The following CABP5 variants were observed in gnomAD, a reference collection of about 807,000 sequenced individuals.
CABP5 encodes calcium binding protein 5, also known as calcium-binding protein 5.
In CABP5, 17 loss-of-function variants were observed where a neutral mutation model predicts 21.9. The observed-to-expected ratio is 0.78, with a 90% confidence interval of 0.53 to 1.17. The LOEUF (loss-of-function observed/expected upper bound fraction) is 1.17. Ranked by LOEUF, CABP5 falls within the 50% of genes most tolerant of loss-of-function variation. The pLI, the probability that CABP5 is intolerant of heterozygous loss-of-function variation, is 0.00. For synonymous variants in CABP5, 85 were observed against 79.4 expected (o/e 1.07, Z -0.37); for missense variants, 229 against 228.9 (o/e 1.00, Z 0.00).
chr19:48,040,530 A>C, intron 3 of CABP5, 75 bp downstream of exon 3: 1 of 1,528,232 alleles, frequency 6.5e-7, no homozygotes, highest in Non-Finnish European at 9.0e-7. Flanking sequence ...CTCTACTCTT[A>C]ACCTCTACAT....
In CABP5 at chr19:48,039,382, T is replaced by C. The variant is rs1192452131; in HGVS notation, c.239-65A>G. 5 of 1,269,426 alleles carry C rather than the reference T, an allele frequency of 3.9e-6. No individual in the cohort carries two copies. The Admixed American group carries it at 6.8e-5, about 17-fold the overall frequency. The allele number at this position is 1,269,426 out of a possible 1,614,324, so 78.6% of individuals were successfully genotyped here. ...CCTGGCCTTCCATTACCTCACTTTGTGCTTCGAGTCAGTTAGATCAGCTCC... is the reference window on the plus strand; with the variant it reads ...CCTGGCCTTCCATTACCTCACTTTGCGCTTCGAGTCAGTTAGATCAGCTCC... On this transcript the variant is annotated intron_variant, in intron 3 of 5. Transcript: ENST00000293255.
chr19:48,043,822 C>T (rs767732934), intron 1 of CABP5, 38 bp downstream of exon 1: 4 of 1,462,742 alleles, frequency 2.7e-6, no homozygotes, highest in African/African-American at 3.0e-5. Context: ...GCTCCCTTTG[C>T]CCCGCCCACC....
In CABP5 at chr19:48,034,263, C is replaced by A. The variant is rs772306847; in HGVS notation, c.448G>T (p.Val150Phe). The A allele has an allele frequency of 1.0e-5, 16 of 1,608,036 alleles. No individual in the cohort carries two copies. The highest frequency in any genetic ancestry group is 1.4e-5 in the Non-Finnish European group (16 of 1,177,656). ...CCATTAACATCAGCCTCCCGGACAA[C>A]CTCAGAGATCTCCCGGGGGGTGAGC... ...ERLTPREISE[V>F]VREADVNGDG... Residue 150 changes from valine to phenylalanine, a missense_variant, in exon 5 of 6, where the codon GTT (valine) becomes TTT (phenylalanine). Val to Phe is a conservative substitution (Grantham distance 50). Coordinates refer to ENST00000293255, the MANE Select transcript of CABP5 (RefSeq NM_019855.5).
intron 3 of CABP5, among the ~76,000 whole-genome samples, chr19:48,039,903 C>G (rs1021362871): frequency 6.6e-6 from 1 of 151,482 alleles, no homozygotes; most frequent in Non-Finnish European, 1.5e-5. Context: ...TTAGTAGAGA[C>G]GGGGTGTCAC....
chr19:48,044,020 CT>C lies in CABP5; in HGVS notation c.-99del. 2.0e-6 allele frequency: 2 copies of C among 1,011,876 alleles called. No homozygotes were observed. Among genetic ancestry groups the C allele is most frequent in the Non-Finnish European group, 1.4e-6 (1 of 703,764 alleles). The allele number at this position is 1,011,876 out of a possible 1,614,324, so 62.7% of individuals were successfully genotyped here. On this transcript the variant is annotated 5_prime_UTR_variant, in exon 1 of 6. Transcript: ENST00000293255. ...AGCCTCCTTATCTTCTCCAGCACTC[CT>C]TTGCCACCTCTTCCTGCCTCTCTTG...
At chr19:48,035,098 C>G (rs567163195) in intron 4 of CABP5, among the ~76,000 whole-genome samples, 328 of 152,278 alleles carry the variant, frequency 2.2e-3, no homozygotes, top group African/African-American at 7.6e-3. Context: ...ACTTTGTACC[C>G]TTTGACAAGC....
rs72005770 is a variant in CABP5, at chr19:48,029,798, C to CAGAG, written c.*755_*758dup. Among the ~76,000 whole-genome samples, 8,580 of 120,130 alleles carry CAGAG rather than the reference C, an allele frequency of 0.071. 377 individuals carry two copies. Among genetic ancestry groups the CAGAG allele is most frequent in the Middle Eastern group, 0.11 (27 of 246 alleles). The allele number at this position is 120,130 out of a possible 152,430, so 78.8% of individuals were successfully genotyped here. Reference sequence around the variant, plus strand: ...GGGAGGGGAGACAGAGACAGACAGACAGAGAGAGAGAGAGAGAGAGAGAGA... The same window carrying CAGAG: ...GGGAGGGGAGACAGAGACAGACAGACAGAGAGAGAGAGAGAGAGAGAGAGAGAGA... On this transcript the variant is annotated 3_prime_UTR_variant, in exon 6 of 6. Transcript: ENST00000293255.
intron 2 of CABP5, 125 bp downstream of exon 2, chr19:48,041,448 G>A (rs1455495448): frequency 1.8e-5 from 17 of 935,634 alleles, no homozygotes; most frequent in Non-Finnish European, 2.7e-5. Context: ...TTACAGTTGA[G>A]TGGGAAGAGA....
chr19:48,042,668 G>C (rs991863128), intron 1 of CABP5, among the ~76,000 whole-genome samples: 1 of 151,080 alleles, frequency 6.6e-6, no homozygotes, highest in South Asian at 2.1e-4. Context: ...TCTGCCTCCC[G>C]GGTTCAAGCG....
intron 5 of CABP5, among the ~76,000 whole-genome samples, chr19:48,032,261 A>C (rs1345096263): frequency 6.6e-6 from 1 of 152,138 alleles, no homozygotes; most frequent in Admixed American, 6.5e-5. Flanking sequence ...GAATAGCTAC[A>C]GAAGATACAG....
Position 48,040,763 on chromosome 19 carries a change from A to T in CABP5, c.95-15T>A. On this transcript the variant is annotated splice_polypyrimidine_tract_variant and intron_variant, in intron 2 of 5. Transcript: ENST00000293255. Reference sequence around the variant, plus strand: ...TTCCCGCAGCTCTGAAAGTTAAGAGAGAACTTTGGGGGAACTTGAAGCAGT... The same window carrying T: ...TTCCCGCAGCTCTGAAAGTTAAGAGTGAACTTTGGGGGAACTTGAAGCAGT... The T allele has an allele frequency of 6.2e-7, 1 of 1,613,552 alleles. No individual in the cohort carries two copies. Among genetic ancestry groups the T allele is most frequent in the Non-Finnish European group, 8.5e-7 (1 of 1,179,590 alleles).
At chr19:48,034,976 C>T (rs1043729476) in intron 4 of CABP5, among the ~76,000 whole-genome samples, 2 of 152,072 alleles carry the variant, frequency 1.3e-5, no homozygotes, top group African/African-American at 4.8e-5. Flanking sequence ...AAGTGCCCAG[C>T]GATACATTTA....
chr19:48,035,813 G>A (rs1967401720), intron 4 of CABP5, among the ~76,000 whole-genome samples: 1 of 152,206 alleles, frequency 6.6e-6, no homozygotes, highest in South Asian at 2.1e-4. Flanking sequence ...AGAAGGCAGG[G>A]CCCAAGTACG....
At chr19:48,032,841 C>A (rs77158736) in intron 5 of CABP5, among the ~76,000 whole-genome samples, 2 of 151,246 alleles carry the variant, frequency 1.3e-5, no homozygotes, top group Admixed American at 6.6e-5. Context: ...ACGTTGGCCC[C>A]CCTGGTCTCG....
At position 48,040,749 on chromosome 19, in the gene CABP5, C is replaced by G; in HGVS notation, c.95-1G>C. 6.2e-7 allele frequency: 1 copy of G among 1,613,946 alleles called. No individual in the cohort carries two copies. Among genetic ancestry groups the G allele is most frequent in the Non-Finnish European group, 8.5e-7 (1 of 1,179,880 alleles). ...AACTCAAGAAATGCTTCCCGCAGCT[C>G]TGAAAGTTAAGAGAGAACTTTGGGG... On this transcript the variant is annotated splice_acceptor_variant, in intron 2 of 5. Coordinates refer to ENST00000293255, the MANE Select transcript of CABP5 (RefSeq NM_019855.5). LOFTEE classifies it high-confidence loss of function.
At chr19:48,033,612 C>T (rs1967369968) in intron 5 of CABP5, among the ~76,000 whole-genome samples, 1 of 152,042 alleles carries the variant, frequency 6.6e-6, no homozygotes, top group Non-Finnish European at 1.5e-5. Context: ...AGGAGTTAGC[C>T]AGGGGAGAGG....
rs116267276 is a variant in CABP5, at chr19:48,031,132, T to C, written c.497-550A>G. Among the ~76,000 whole-genome samples, 609 of 152,310 alleles carry C rather than the reference T, an allele frequency of 4.0e-3. 4 individuals are homozygous for C. The highest frequency in any genetic ancestry group is 0.014 in the African/African-American group (591 of 41,572). Reference sequence around the variant, plus strand: ...TTTCTGTTATGAAAATAATCTTGCATGTAAATAAAACATTAAATTTAAAAA... The same window carrying C: ...TTTCTGTTATGAAAATAATCTTGCACGTAAATAAAACATTAAATTTAAAAA... On this transcript the variant is annotated intron_variant, in intron 5 of 5. Coordinates refer to ENST00000293255, the MANE Select transcript of CABP5 (RefSeq NM_019855.5).
At chr19:48,035,823 G>A (rs751641449) in intron 4 of CABP5, among the ~76,000 whole-genome samples, 16 of 152,212 alleles carry the variant, frequency 1.1e-4, no homozygotes, top group Non-Finnish European at 1.5e-4. Flanking sequence ...GCCCAAGTAC[G>A]TAGGGGCTTG....
Position 48,034,195 on chromosome 19 carries a change from CCA to C in CABP5, c.496+18_496+19del. Reference sequence around the variant, plus strand: ...CTGCGGTGGCTGCCCCCGCTCCCCACCACGCCCCGTCAATGTCACCTTCAAAG... The same window carrying C: ...CTGCGGTGGCTGCCCCCGCTCCCCACCGCCCCGTCAATGTCACCTTCAAAG... On this transcript the variant is annotated intron_variant, in intron 5 of 5. Transcript: ENST00000293255. 1.3e-6 allele frequency: 2 copies of C among 1,527,306 alleles called. No homozygotes were observed. The highest frequency in any genetic ancestry group is 2.8e-5 in the African/African-American group (2 of 71,442). 94.6% of individuals were successfully genotyped at this position (1,527,306 alleles called of 1,614,324 possible).
Sources: allele counts gnomAD v4.1 joint callset (sites outside exome capture counted in the v4.1 genomes callset), GRCh38; gene constraint gnomAD v4.1.1; transcripts MANE v1.5; gene names NCBI Gene and HGNC (gene_info 2026-07-23, HGNC 2026-07-21).